SAG: variants seen among roughly 807,000 people sequenced by gnomAD.
The protein encoded by SAG is S-antigen visual arrestin.
Under a neutral mutation model 55.0 loss-of-function variants are expected in SAG, and 45 were observed. The observed-to-expected ratio is 0.82, with a 90% CI of 0.64 to 1.05. The LOEUF is 1.05. Ranked by LOEUF, SAG falls within the 50% of genes least tolerant of loss-of-function variation. The probability of loss-of-function intolerance (pLI) is 0.00; values close to 1 mark genes in which losing one functional copy is unlikely to be tolerated. For missense variants in SAG, 455 were observed against 512.1 expected, an observed-to-expected ratio of 0.89 and a Z score of 1.08; for synonymous variants, 189 against 197.4, an observed-to-expected ratio of 0.96 and a Z score of 0.36.
rs536769164 is a variant in SAG, at chr2:233,338,299, C to T, written c.945-377C>T. Among the ~76,000 whole-genome samples, 9 of 152,352 alleles carry T rather than the reference C, an allele frequency of 5.9e-5. No individual in the cohort carries two copies. The East Asian group carries it at 1.7e-3, about 29-fold the overall frequency. On this transcript the variant is annotated intron_variant, in intron 11 of 15. Coordinates refer to ENST00000409110, the MANE Select transcript of SAG (RefSeq NM_000541.5). Reference sequence around the variant, plus strand: ...GGCCTGGCACGTGGGAGATGAGTTACTGAGATAATCCAGGCAGGCAAAGCC... The same window carrying T: ...GGCCTGGCACGTGGGAGATGAGTTATTGAGATAATCCAGGCAGGCAAAGCC...
At chr2:233,335,575 G>GTTCATTCATTCA (rs3838576) in intron 11 of SAG, among the ~76,000 whole-genome samples, 2 of 151,388 alleles carry the variant, frequency 1.3e-5, no homozygotes, top group African/African-American at 4.9e-5. Context: ...TCTTGGCTGT[G>GTTCATTCATTCA]TTCATTCATT....
intron 12 of SAG, chr2:233,338,992 A>G: frequency 1.6e-6 from 1 of 610,370 alleles, no homozygotes; most frequent in South Asian, 1.7e-5. Flanking sequence ...TCTTAGCGCC[A>G]CTTTGCAAAA....
At chr2:233,331,775 C>G (rs1345462299) in intron 10 of SAG, 63 bp downstream of exon 10, 1 of 1,173,032 alleles carries the variant, frequency 8.5e-7, no homozygotes, top group Non-Finnish European at 1.3e-6. Flanking sequence ...AGTTTCTCGC[C>G]GTTTATTGCT....
chr2:233,340,852 G>A lies in SAG; in HGVS notation c.1046+374G>A, dbSNP rs1353704583. 1.3e-5 allele frequency among the ~76,000 whole-genome samples: 2 copies of A among 152,040 alleles called. No individual in the cohort carries two copies. The highest frequency in any genetic ancestry group is 2.9e-5 in the Non-Finnish European group (2 of 68,000). The stretch of plus-strand genomic sequence containing the variant: ...TTTTTGAGATGTAGTCTCACTCTGT[G>A]GCCCAGCCTGGAGTGCAGTGACGTG... On this transcript the variant is annotated intron_variant, in intron 13 of 15. Coordinates refer to ENST00000409110, the MANE Select transcript of SAG (RefSeq NM_000541.5). The surrounding 1 kb of genome is among the most constrained non-coding windows in gnomAD (Gnocchi z 4.2).
At chr2:233,330,153 G>C (rs1392605488) in intron 9 of SAG, among the ~76,000 whole-genome samples, 1 of 152,200 alleles carries the variant, frequency 6.6e-6, no homozygotes, top group African/African-American at 2.4e-5. Flanking sequence ...CAAAGCACAG[G>C]GGGTCTTATA....
intron 6 of SAG, among the ~76,000 whole-genome samples, chr2:233,325,616 G>A (rs1008175957): frequency 6.6e-6 from 1 of 152,214 alleles, no homozygotes; most frequent in African/African-American, 2.4e-5. Flanking sequence ...AATGGAATTG[G>A]TTGTGTTAGA....
intron 10 of SAG, 23 bp downstream of exon 10, chr2:233,331,735 G>A (rs571175750): frequency 7.6e-6 from 12 of 1,572,616 alleles, no homozygotes; most frequent in East Asian, 4.5e-5. Context: ...TGGGGTTTCC[G>A]TTTCCTGGGC....
intron 13 of SAG, among the ~76,000 whole-genome samples, chr2:233,341,347 T>C (rs966874747): frequency 5.3e-5 from 8 of 152,152 alleles, no homozygotes; most frequent in Non-Finnish European, 8.8e-5. Context: ...TCAATGCCTG[T>C]CTCAAATGTT....
intron 6 of SAG, among the ~76,000 whole-genome samples, chr2:233,326,368 T>A (rs1700555720): frequency 6.6e-6 from 1 of 152,084 alleles, no homozygotes; most frequent in Non-Finnish European, 1.5e-5. Flanking sequence ...AGGCGGATCA[T>A]GAGGTCAAGA....
chr2:233,309,375 G>A, intron 2 of SAG, 111 bp downstream of exon 2: 2 of 982,350 alleles, frequency 2.0e-6, no homozygotes, highest in Non-Finnish European at 3.1e-6. Context: ...GAGGGCCAGG[G>A]CGCGGTGGCT....
chr2:233,325,850 G>A (rs1483297808), intron 6 of SAG, among the ~76,000 whole-genome samples: 3 of 152,222 alleles, frequency 2.0e-5, no homozygotes, highest in Non-Finnish European at 4.4e-5. Flanking sequence ...CTTGACAGCT[G>A]AGAAGCCCAG....
At position 233,319,921 on chromosome 2, in the gene SAG, C is replaced by T. The variant is rs76999088; in HGVS notation, c.182-709C>T. On this transcript the variant is annotated intron_variant, in intron 4 of 15. Coordinates refer to ENST00000409110, the MANE Select transcript of SAG (RefSeq NM_000541.5). This position sits in a 1 kb window ranked among gnomAD's most constrained non-coding sequence, Gnocchi z 4.4. Reference sequence around the variant, plus strand: ...ACAGCTACCACGCACTTGGCGGGGCCGCCTCTCGTGCTTTATATTTGAGAA... The same window carrying T: ...ACAGCTACCACGCACTTGGCGGGGCTGCCTCTCGTGCTTTATATTTGAGAA... 24 of 985,572 alleles carry T rather than the reference C, an allele frequency of 2.4e-5. No homozygotes were observed. Among genetic ancestry groups the T allele is most frequent in the African/African-American group, 2.3e-4 (13 of 57,368 alleles). The allele number at this position is 985,572 out of a possible 1,614,324, so 61.1% of individuals were successfully genotyped here. A position where few individuals can be genotyped will look rare whatever the true frequency, so the allele number is the denominator to read the frequency against.
In SAG at chr2:233,338,989, G is replaced by C. The variant is rs1269284938; in HGVS notation, c.1022+236G>C. 6.5e-6 allele frequency: 4 copies of C among 612,392 alleles called. No homozygotes were observed. In the South Asian group the frequency reaches 6.9e-5, roughly 11 times the overall value. 37.9% of individuals were successfully genotyped at this position (612,392 alleles called of 1,614,324 possible). A position where few individuals can be genotyped will look rare whatever the true frequency, so the allele number is the denominator to read the frequency against. On this transcript the variant is annotated intron_variant, in intron 12 of 15. Transcript: ENST00000409110. ...ACTCTGAAATGTGTGCATTCTTAGC[G>C]CCACTTTGCAAAAATACGTGTGCAT...
At chr2:233,321,912 A>C (rs1433418895) in intron 5 of SAG, among the ~76,000 whole-genome samples, 1 of 151,870 alleles carries the variant, frequency 6.6e-6, no homozygotes, top group Non-Finnish European at 1.5e-5. Context: ...AAAGCCTTAA[A>C]ACGTGTGCTT....
chr2:233,322,332 C>G (rs566475324), intron 5 of SAG, among the ~76,000 whole-genome samples: 1 of 151,936 alleles, frequency 6.6e-6, no homozygotes, highest in Non-Finnish European at 1.5e-5. Flanking sequence ...GGACTGGCTA[C>G]GTTAAGTGTA....
At chr2:233,332,362 AGGT>A (rs1700793530) in intron 10 of SAG, 1 of 153,048 alleles carries the variant, frequency 6.5e-6, no homozygotes. Flanking sequence ...TAGCTCGACC[AGGT>A]CTTAACTCTT....
chr2:233,316,073 A>G lies in SAG; in HGVS notation c.76-2A>G. On this transcript the variant is annotated splice_acceptor_variant, in intron 2 of 15. Transcript: ENST00000409110. LOFTEE classifies it high-confidence loss of function. ...TTAGACCCACACCTGTTCTTCTTGC[A>G]GGTGACCATCTACCTGGGGAACAGA... The G allele has an allele frequency of 1.3e-6, 2 of 1,578,206 alleles. No homozygotes were observed. Among genetic ancestry groups the G allele is most frequent in the East Asian group, 2.3e-5 (1 of 44,172 alleles).
chr2:233,324,001 C>A (rs1700468269), intron 6 of SAG, among the ~76,000 whole-genome samples: 1 of 152,112 alleles, frequency 6.6e-6, no homozygotes, highest in South Asian at 2.1e-4. Context: ...AAGGAGAAAG[C>A]CACACTCTCC....
chr2:233,327,609 C>A, intron 7 of SAG: 1 of 156,818 alleles, frequency 6.4e-6, no homozygotes, highest in Non-Finnish European at 1.4e-5. Context: ...GCAATGTGAC[C>A]TCGGCTCACT....
Sources: gnomAD v4.1 joint callset for allele counts (sites outside exome capture counted in the v4.1 genomes callset) on GRCh38, gnomAD v4.1.1 for gene constraint, Gnocchi (gnomAD v3.1) non-coding constraint, MANE v1.5 for transcripts, NCBI Gene and HGNC (gene_info 2026-07-23, HGNC 2026-07-21) for gene names.